The following GPR155 variants were observed in gnomAD, a reference collection of about 807,000 sequenced individuals.
The protein encoded by GPR155 is G protein-coupled receptor 155.
GPR155 carries 65 observed loss-of-function variants against 93.1 expected under a neutral mutation model. The observed-to-expected ratio is 0.70, with a 90% CI of 0.57 to 0.86. The LOEUF (loss-of-function observed/expected upper bound fraction) is 0.86. Among genes scored for constraint, GPR155 ranks in the 40% least tolerant of loss-of-function variants. The pLI is 0.00. For missense variants in GPR155, 838 were observed against 1,034.8 expected (o/e 0.81, Z 2.61); for synonymous variants, 319 against 360.1 (o/e 0.89, Z 1.29).
chr2:174,455,299 A>G (rs913607201), intron 10 of GPR155, among the ~76,000 whole-genome samples: 2 of 152,208 alleles, frequency 1.3e-5, no homozygotes, highest in Non-Finnish European at 2.9e-5. Context: ...ATGAGTGCCG[A>G]GTGCTGGACG....
chr2:174,455,852 T>C (rs1228306282), intron 10 of GPR155, among the ~76,000 whole-genome samples: 1 of 152,204 alleles, frequency 6.6e-6, no homozygotes, highest in Non-Finnish European at 1.5e-5. Context: ...ATTTTTTATT[T>C]TTTTTTTAGA....
chr2:174,465,986 C>A, intron 6 of GPR155, 84 bp from the exon 7 acceptor site: 1 of 644,526 alleles, frequency 1.6e-6, no homozygotes, highest in Non-Finnish European at 2.8e-6. Context: ...TCCAATTAAG[C>A]CAGCCATATT....
intron 13 of GPR155, among the ~76,000 whole-genome samples, chr2:174,443,062 C>CT (rs543672579): frequency 5.4e-4 from 83 of 152,294 alleles, no homozygotes; most frequent in South Asian, 2.9e-3. Context: ...TTAGAATGGG[C>CT]TTTCTGAATG....
At chr2:174,443,924 T>A (rs759274646) in intron 13 of GPR155, among the ~76,000 whole-genome samples, 4 of 152,198 alleles carry the variant, frequency 2.6e-5, no homozygotes, top group Non-Finnish European at 5.9e-5. Flanking sequence ...TAATACTACT[T>A]TGCAGGTGTT....
intron 10 of GPR155, among the ~76,000 whole-genome samples, chr2:174,455,084 T>A (rs1472773057): frequency 1.3e-5 from 2 of 152,116 alleles, no homozygotes; most frequent in Admixed American, 1.3e-4. Context: ...AACAAAGAAA[T>A]TATACATTTT....
intron 2 of GPR155, among the ~76,000 whole-genome samples, chr2:174,477,388 T>C (rs1313625367): frequency 6.6e-6 from 1 of 152,138 alleles, no homozygotes; most frequent in African/African-American, 2.4e-5. Flanking sequence ...ATACAATAAA[T>C]CTAATGGAAA....
chr2:174,473,531 G>GA (rs1688060264), intron 2 of GPR155, among the ~76,000 whole-genome samples, 167 bp from the exon 3 acceptor site: 1 of 151,956 alleles, frequency 6.6e-6, no homozygotes, highest in African/African-American at 2.4e-5. Flanking sequence ...GCTGAAAAAA[G>GA]AAAAACATAA....
At chr2:174,452,180 C>T (rs60645889) in intron 11 of GPR155, among the ~76,000 whole-genome samples, 7,084 of 152,062 alleles carry the variant, frequency 0.047, 548 homozygotes, top group African/African-American at 0.16. Flanking sequence ...AGTGTAACTG[C>T]CAGAAAGGGT....
intron 2 of GPR155, among the ~76,000 whole-genome samples, 175 bp downstream of exon 2, chr2:174,481,322 G>A (rs1256722168): frequency 6.6e-6 from 1 of 152,134 alleles, no homozygotes; most frequent in East Asian, 1.9e-4. Context: ...TTAGGTAGAT[G>A]TTTAAAGGAT....
chr2:174,436,430 A>C lies in GPR155; in HGVS notation c.2313-14T>G. 1 of 1,612,482 alleles carries C rather than the reference A, an allele frequency of 6.2e-7. No homozygotes were observed. The highest frequency in any genetic ancestry group is 2.2e-5 in the East Asian group (1 of 44,866). On this transcript the variant is annotated splice_polypyrimidine_tract_variant and intron_variant, in intron 15 of 15. Coordinates refer to ENST00000392552, the MANE Select transcript of GPR155 (RefSeq NM_152529.7). ...TTTGCACCACACCTGTGTCAAAGGA[A>C]TGATTCACCCATATTTTCTGTAAAT...
intron 13 of GPR155, among the ~76,000 whole-genome samples, chr2:174,444,669 A>G (rs990928081): frequency 2.0e-5 from 3 of 151,144 alleles, no homozygotes; most frequent in African/African-American, 7.3e-5. Flanking sequence ...ATTTTTTTGT[A>G]TTTTTTTGTA....
At chr2:174,440,451 C>T (rs1353425449) in intron 14 of GPR155, among the ~76,000 whole-genome samples, 1 of 151,998 alleles carries the variant, frequency 6.6e-6, no homozygotes, top group African/African-American at 2.4e-5. Context: ...AAAACTCGTA[C>T]TCCAAAAACT....
intron 7 of GPR155, among the ~76,000 whole-genome samples, chr2:174,464,561 T>A (rs902237112): frequency 1.3e-5 from 2 of 151,810 alleles, no homozygotes; most frequent in Non-Finnish European, 2.9e-5. Flanking sequence ...TCAGAATGAC[T>A]TCTTTGAATA....
At chr2:174,464,679 G>A (rs901096361) in intron 7 of GPR155, among the ~76,000 whole-genome samples, 1 of 151,534 alleles carries the variant, frequency 6.6e-6, no homozygotes, top group Admixed American at 6.6e-5. Flanking sequence ...ACCTGAGTAA[G>A]CCTAGTTATT....
At chr2:174,475,234 G>A (rs1377811554) in intron 2 of GPR155, among the ~76,000 whole-genome samples, 1 of 130,072 alleles carries the variant, frequency 7.7e-6, no homozygotes, top group Non-Finnish European at 1.6e-5. Flanking sequence ...GGCGGAGCTT[G>A]CAGTGAGCCG....
intron 11 of GPR155, among the ~76,000 whole-genome samples, chr2:174,451,743 T>C (rs1687326992): frequency 6.6e-6 from 1 of 152,176 alleles, no homozygotes; most frequent in African/African-American, 2.4e-5. Context: ...CCTCCTGGGC[T>C]CAAGCGATCC....
At chr2:174,452,062 T>A (rs1025365920) in intron 11 of GPR155, among the ~76,000 whole-genome samples, 1 of 152,208 alleles carries the variant, frequency 6.6e-6, no homozygotes, top group African/African-American at 2.4e-5. Flanking sequence ...TTAATGGATT[T>A]TACTACTAGG....
chr2:174,455,332 T>G (rs918344808), intron 10 of GPR155, among the ~76,000 whole-genome samples: 2 of 152,108 alleles, frequency 1.3e-5, no homozygotes, highest in African/African-American at 4.8e-5. Context: ...GAAGGTTCAC[T>G]GGGTAGCTCA....
chr2:174,471,016 GA>G (rs560413466), intron 3 of GPR155, among the ~76,000 whole-genome samples: 8,004 of 100,592 alleles, frequency 0.08, 343 homozygotes, highest in African/African-American at 0.18. Context: ...CTCCTGTTTT[GA>G]AAAAAAAAAA....
Sources: allele counts gnomAD v4.1 joint callset (sites outside exome capture counted in the v4.1 genomes callset), GRCh38; gene constraint gnomAD v4.1.1; transcripts MANE v1.5; gene names NCBI Gene and HGNC (gene_info 2026-07-23, HGNC 2026-07-21).